The following BTNL2 variants were observed in gnomAD, a reference collection of about 807,000 sequenced individuals.
BTNL2 encodes butyrophilin like 2, also known as butyrophilin-like protein 2.
Under a neutral mutation model 46.8 loss-of-function variants are expected in BTNL2, and 46 were observed. The observed-to-expected ratio is 0.98, with a 90% CI of 0.78 to 1.26. The LOEUF (loss-of-function observed/expected upper bound fraction) is 1.26. BTNL2 is among the 50% of genes most tolerant of loss of function. BTNL2 has a pLI of 0.00. For missense variants in BTNL2, 461 were observed against 592.6 expected, an observed-to-expected ratio of 0.78 and a Z score of 2.31; for synonymous variants, 226 against 229.1, an observed-to-expected ratio of 0.99 and a Z score of 0.12.
At chr6:32,404,641 C>T (rs754093000) in intron 2 of BTNL2, among the ~76,000 whole-genome samples, 8 of 152,310 alleles carry the variant, frequency 5.3e-5, no homozygotes, top group Admixed American at 3.3e-4. Context: ...TTTGCTCTTG[C>T]GCACCAGCCT....
chr6:32,396,339 C>T lies in BTNL2; in HGVS notation c.778G>A (p.Gly260Arg). The T allele has an allele frequency of 6.2e-7, 1 of 1,612,658 alleles. No individual in the cohort carries two copies. Among genetic ancestry groups the T allele is most frequent in the Non-Finnish European group, 8.5e-7 (1 of 1,179,716 alleles). Residue 260 changes from glycine to arginine, a missense_variant, in exon 5 of 8, where the codon GGA (glycine) becomes AGA (arginine). Coordinates refer to ENST00000454136, the MANE Select transcript of BTNL2 (RefSeq NM_001304561.2). This position sits in a 1 kb window ranked among gnomAD's most constrained non-coding sequence, Gnocchi z 4.4. Reference protein sequence around the residue: ...GPSQPILVRVGEDIQLTCYLS... With the variant: ...GPSQPILVRVREDIQLTCYLS... ...TAACAGGTTAGCTGTATATCTTCTC[C>T]CACTCTGACGAGGATGGGCTGGGAA...
rs1301171319 is a variant in BTNL2, at chr6:32,394,058, C to T, written c.1361-1G>A. Reference sequence around the variant, plus strand: ...TTCCACAAAAACGTCATCCTGGACTCTAAAATGGAAACCCAAGAATCCCTT... The same window carrying T: ...TTCCACAAAAACGTCATCCTGGACTTTAAAATGGAAACCCAAGAATCCCTT... On this transcript the variant is annotated splice_acceptor_variant, in intron 6 of 7. Transcript: ENST00000454136. LOFTEE classifies it high-confidence loss of function. This position sits in a 1 kb window ranked among gnomAD's most constrained non-coding sequence, Gnocchi z 4.6. 2 of 1,549,760 alleles carry T rather than the reference C, an allele frequency of 1.3e-6. No individual in the cohort carries two copies. The highest frequency in any genetic ancestry group is 2.7e-5 in the African/African-American group (2 of 73,030).
intron 4 of BTNL2, among the ~76,000 whole-genome samples, chr6:32,397,309 A>G (rs117132998): frequency 0.012 from 1,850 of 152,352 alleles, 66 homozygotes; most frequent in East Asian, 0.11. Context: ...AGTTGCAGGC[A>G]GCCAACTGTT....
Position 32,394,110 on chromosome 6 carries a change from A to T in BTNL2, c.1361-53T>A. On this transcript the variant is annotated intron_variant, in intron 6 of 7. Coordinates refer to ENST00000454136, the MANE Select transcript of BTNL2 (RefSeq NM_001304561.2). This position sits in a 1 kb window ranked among gnomAD's most constrained non-coding sequence, Gnocchi z 4.6. ...AAACTGTGAAACTGGGACAATATTAAGATTGTACTTTTCATCTGAGCAGCT... is the reference window on the plus strand; with the variant it reads ...AAACTGTGAAACTGGGACAATATTATGATTGTACTTTTCATCTGAGCAGCT... The T allele has an allele frequency of 6.5e-7, 1 of 1,545,040 alleles. No homozygotes were observed. Among genetic ancestry groups the T allele is most frequent in the Non-Finnish European group, 8.7e-7 (1 of 1,143,752 alleles).
chr6:32,400,760 A>AAAAAACAAAAAAC (rs1390075841), intron 4 of BTNL2, among the ~76,000 whole-genome samples: 1 of 115,928 alleles, frequency 8.6e-6, no homozygotes, highest in African/African-American at 3.1e-5. Flanking sequence ...AAAAAAAAAA[A>AAAAAACAAAAAAC]AAATTAGCTG....
chr6:32,407,181 G>A lies in BTNL2; in HGVS notation c.-58C>T. 1.4e-6 allele frequency: 2 copies of A among 1,429,336 alleles called. No homozygotes were observed. Among genetic ancestry groups the A allele is most frequent in the Non-Finnish European group, 2.0e-6 (2 of 1,014,082 alleles). The allele number at this position is 1,429,336 out of a possible 1,614,324, so 88.5% of individuals were successfully genotyped here. The stretch of plus-strand genomic sequence containing the variant: ...CCTAAGTGAGGCTGTGACACACCCG[G>A]CACACTCCATGGCTTCCATTGGTTA... On this transcript the variant is annotated 5_prime_UTR_variant, in exon 1 of 8. Coordinates refer to ENST00000454136, the MANE Select transcript of BTNL2 (RefSeq NM_001304561.2).
intron 3 of BTNL2, 42 bp downstream of exon 3, chr6:32,402,893 C>T: frequency 6.3e-7 from 1 of 1,595,896 alleles, no homozygotes; most frequent in South Asian, 1.1e-5. Context: ...GGGACCTCTC[C>T]TGCTGATCTG....
chr6:32,398,293 C>T (rs117164228), intron 4 of BTNL2, among the ~76,000 whole-genome samples: 2,661 of 152,300 alleles, frequency 0.017, 79 homozygotes, highest in East Asian at 0.11. Flanking sequence ...TGGCCAAAGG[C>T]GTTAACATCC....
At position 32,403,202 on chromosome 6, in the gene BTNL2, G is replaced by A. The variant is rs200373630; in HGVS notation, c.442C>T (p.Pro148Ser). 6 of 1,608,500 alleles carry A rather than the reference G, an allele frequency of 3.7e-6. No individual in the cohort carries two copies. The highest frequency in any genetic ancestry group is 1.3e-5 in the African/African-American group (1 of 74,780). Residue 148 changes from proline to serine, a missense_variant, in exon 3 of 8, where the codon CCT becomes TCT. Transcript: ENST00000454136. ...LLKVAGLGSAPSIHMEGPGES... is the reference protein window; with the variant it reads ...LLKVAGLGSASSIHMEGPGES... Reference sequence around the variant, plus strand: ...CCAGGTCCCTCCATGTGGATGCTAGGGGCAGACCCCAGACCTGCAGAGGGA... The same window carrying A: ...CCAGGTCCCTCCATGTGGATGCTAGAGGCAGACCCCAGACCTGCAGAGGGA...
At chr6:32,406,438 GCT>G (rs1359910174) in intron 1 of BTNL2, 5 of 151,208 alleles carry the variant, frequency 3.3e-5, no homozygotes, top group Admixed American at 1.3e-4. Flanking sequence ...GCCCTCTGAT[GCT>G]CTGTGTCGTG....
Position 32,394,778 on chromosome 6 carries a change from C to T in BTNL2, c.1326G>A (p.Leu442=). The change falls in exon 6 of 8, where the codon TTG becomes TTA. Residue 442 remains leucine, a synonymous_variant. Transcript: ENST00000454136. This position sits in a 1 kb window ranked among gnomAD's most constrained non-coding sequence, Gnocchi z 4.6. ...AAAAAGTTGCGATTTTCTCCTCGCCCAAAAAGGGGATGCTGATGGAACAAG... is the reference window on the plus strand; with the variant it reads ...AAAAAGTTGCGATTTTCTCCTCGCCTAAAAAGGGGATGCTGATGGAACAAG... The part of the protein sequence containing the change: ...DVTCSISIPF[L]GEEKIATFSL... The T allele has an allele frequency of 6.2e-7, 1 of 1,613,480 alleles. No homozygotes were observed. Among genetic ancestry groups the T allele is most frequent in the Admixed American group, 1.7e-5 (1 of 59,986 alleles).
intron 3 of BTNL2, 69 bp downstream of exon 3, chr6:32,402,866 G>A: frequency 6.8e-7 from 1 of 1,479,104 alleles, no homozygotes; most frequent in African/African-American, 1.4e-5. Context: ...AATACGAGGT[G>A]CTATGGTGCA....
In BTNL2 at chr6:32,396,545, C is replaced by T. The variant is rs117252011; in HGVS notation, c.731-159G>A. ...AGGTGAGGTGGGGGTTTCATGGACT[C>T]AGAATAGAGGTTGCTCTTCTTTAAG... is the stretch of plus-strand genomic sequence containing the variant. On this transcript the variant is annotated intron_variant, in intron 4 of 7. Coordinates refer to ENST00000454136, the MANE Select transcript of BTNL2 (RefSeq NM_001304561.2). This position sits in a 1 kb window ranked among gnomAD's most constrained non-coding sequence, Gnocchi z 4.4. 15,842 of 700,438 alleles carry T rather than the reference C, an allele frequency of 0.023. 907 individuals carry two copies. The highest frequency in any genetic ancestry group is 0.17 in the East Asian group (6,111 of 36,918). The allele number at this position is 700,438 out of a possible 1,614,324, so 43.4% of individuals were successfully genotyped here.
chr6:32,401,864 CTA>C (rs1271173838), intron 3 of BTNL2, 59 bp from the exon 4 acceptor site: 2 of 1,506,524 alleles, frequency 1.3e-6, no homozygotes, highest in East Asian at 2.3e-5. Context: ...AGGAGAGAAA[CTA>C]TTTTTTAAAA....
Position 32,393,814 on chromosome 6 carries a change from C to T in BTNL2, c.*6+149G>A, listed in dbSNP as rs1342822335. ...ACTGAGCCTGGATTGCATGATAAGCCCTGGGCTTTCCTGTTTCTCATGTTT... is the reference window on the plus strand; with the variant it reads ...ACTGAGCCTGGATTGCATGATAAGCTCTGGGCTTTCCTGTTTCTCATGTTT... On this transcript the variant is annotated intron_variant, in intron 7 of 7. Coordinates refer to ENST00000454136, the MANE Select transcript of BTNL2 (RefSeq NM_001304561.2). The surrounding 1 kb of genome is among the most constrained non-coding windows in gnomAD (Gnocchi z 4.8). The T allele has an allele frequency of 8.7e-6, 10 of 1,150,498 alleles. No individual in the cohort carries two copies. Among genetic ancestry groups the T allele is most frequent in the African/African-American group, 3.1e-5 (2 of 63,588 alleles). The allele number at this position is 1,150,498 out of a possible 1,614,324, so 71.3% of individuals were successfully genotyped here. A position where few individuals can be genotyped will look rare whatever the true frequency, so the allele number is the denominator to read the frequency against.
rs1776451953 is a variant in BTNL2, at chr6:32,396,295, A to G, written c.822T>C (p.Asn274=). ...QLTCYLSPKA[N]AQSMEVRWDR... ...CCCACCTCACCTCCATGCTCTGTGC[A>G]TTCGCCTTGGGGGACAGGTAACAGG... Residue 274 remains asparagine, a synonymous_variant, in exon 5 of 8, where the codon AAT becomes AAC. Coordinates refer to ENST00000454136, the MANE Select transcript of BTNL2 (RefSeq NM_001304561.2). This position sits in a 1 kb window ranked among gnomAD's most constrained non-coding sequence, Gnocchi z 4.4. 1.2e-6 allele frequency: 2 copies of G among 1,612,834 alleles called. No homozygotes were observed. The highest frequency in any genetic ancestry group is 1.3e-5 in the African/African-American group (1 of 74,952).
rs1048174315 is a variant in BTNL2, at chr6:32,394,891, A to G, written c.1213T>C (p.Ser405Pro). The G allele has an allele frequency of 6.2e-7, 1 of 1,614,098 alleles. No homozygotes were observed. The highest frequency in any genetic ancestry group is 8.5e-7 in the Non-Finnish European group (1 of 1,180,040). ...RDMEGKTIPS[S>P]SQALTQGSHG... ...CTGCCTTGAGTCAGGGCCTGGGAAG[A>G]TGATGGTATCGTCTTTCCTTCCATG... The change falls in exon 6 of 8, where the codon TCT (serine) becomes CCT (proline). Residue 405 changes from serine (S) to proline (P), a missense_variant. Ser to Pro is a moderately conservative substitution (Grantham distance 74). Coordinates refer to ENST00000454136, the MANE Select transcript of BTNL2 (RefSeq NM_001304561.2). This position sits in a 1 kb window ranked among gnomAD's most constrained non-coding sequence, Gnocchi z 4.6.
At chr6:32,405,558 G>A in intron 1 of BTNL2, 1 of 462,746 alleles carries the variant, frequency 2.2e-6, no homozygotes, top group Non-Finnish European at 4.0e-6. Context: ...ATTACTCTTG[G>A]TAAGATTTTG....
At chr6:32,406,936 A>G (rs1224610812) in intron 1 of BTNL2, 109 bp downstream of exon 1, 1 of 948,178 alleles carries the variant, frequency 1.1e-6, no homozygotes, top group Non-Finnish European at 1.6e-6. Context: ...TTTTGGATAC[A>G]GGTGGCTTGG....
Sources: gnomAD v4.1 joint callset for allele counts (sites outside exome capture counted in the v4.1 genomes callset) on GRCh38, gnomAD v4.1.1 for gene constraint, Gnocchi (gnomAD v3.1) non-coding constraint, MANE v1.5 for transcripts, NCBI Gene and HGNC (gene_info 2026-07-23, HGNC 2026-07-21) for gene names.